The following SAMM50 variants were observed in gnomAD, a reference collection of about 807,000 sequenced individuals.
SAMM50 encodes the protein SAMM50 sorting and assembly machinery component.
A neutral mutation model predicts 66.9 loss-of-function variants in SAMM50; 47 were observed. That is an observed-to-expected ratio of 0.70 (90% CI 0.56 to 0.90). SAMM50 has a LOEUF of 0.90. Among genes scored for constraint, SAMM50 ranks in the 40% least tolerant of loss-of-function variants. The probability of loss-of-function intolerance (pLI) is 0.00; values close to 1 mark genes in which losing one functional copy is unlikely to be tolerated. For synonymous variants in SAMM50, 191 were observed against 214.1 expected, an observed-to-expected ratio of 0.89 and a Z score of 0.94; for missense variants, 535 against 595.3, an observed-to-expected ratio of 0.90 and a Z score of 1.05.
rs1427025149 is a variant in SAMM50 at position 43,977,948 on chromosome 22, T to C, written c.926T>C (p.Ile309Thr). ...DFELQLNKQL[I>T]FDSVFSASFW... The stretch of plus-strand genomic sequence containing the variant: ...GAACTTCAGTTGAACAAGCAACTCA[T>C]ATTTGATTCAGTGAGTATCTAACGG... The change falls in exon 10 of 15, where the codon ATA becomes ACA. Residue 309 changes from isoleucine (I) to threonine (T), a missense_variant. Transcript: ENST00000350028. 1.4e-5 allele frequency: 22 copies of C among 1,610,170 alleles called. No individual in the cohort carries two copies. The highest frequency in any genetic ancestry group is 1.7e-4 in the Middle Eastern group (1 of 6,058).
At position 43,955,561 on chromosome 22, in the gene SAMM50, C is replaced by T. The variant is rs749118724; in HGVS notation, c.-17C>T. The T allele has an allele frequency of 2.5e-6, 4 of 1,599,524 alleles. No individual in the cohort carries two copies. The highest frequency in any genetic ancestry group is 4.5e-5 in the East Asian group (2 of 44,384). On this transcript the variant is annotated 5_prime_UTR_variant, in exon 1 of 15. Coordinates refer to ENST00000350028, the MANE Select transcript of SAMM50 (RefSeq NM_015380.5). The stretch of plus-strand genomic sequence containing the variant: ...CCGCCCGGGCAGCTCTGCGAGGCAG[C>T]GGCTGGAGAGGGAACCATGGGGACT...
intron 10 of SAMM50, 26 bp downstream of exon 10, chr22:43,977,984 C>CTGCA (rs779454154): frequency 6.9e-7 from 1 of 1,459,240 alleles, no homozygotes; most frequent in Non-Finnish European, 9.6e-7. Flanking sequence ...ATGCTGGCAC[C>CTGCA]TGCACTGTCA....
chr22:43,955,593 GC>G lies in SAMM50; in HGVS notation c.19del (p.Arg7GlyfsTer16). 8 of 1,598,304 alleles carry G rather than the reference GC, an allele frequency of 5.0e-6. No homozygotes were observed. The highest frequency in any genetic ancestry group is 6.8e-6 in the Non-Finnish European group (8 of 1,173,578). On this transcript the variant is annotated frameshift_variant, in exon 1 of 15. Transcript: ENST00000350028. LOFTEE classifies it high-confidence loss of function. ...AGAGGGAACCATGGGGACTGTGCAC[GC>G]CCGGGTAAGAGGCCCAGCGACCCGC... MGTVHARSLEPLPSSG... is the reference protein window; with the variant it reads MGTVHXRSLEPLPSSG...
intron 12 of SAMM50, chr22:43,987,401 G>A (rs2050300112): frequency 6.6e-6 from 1 of 152,216 alleles, no homozygotes; most frequent in South Asian, 2.1e-4. Flanking sequence ...AAACATGTCG[G>A]GAGGAAAAGC....
At chr22:43,980,234 A>G (rs1185742534) in intron 10 of SAMM50, among the ~76,000 whole-genome samples, 1 of 89,218 alleles carries the variant, frequency 1.1e-5, no homozygotes, top group Non-Finnish European at 2.1e-5. Context: ...GGCACTGTCC[A>G]GGCACTAAGA....
intron 4 of SAMM50, among the ~76,000 whole-genome samples, chr22:43,969,785 G>A (rs1335971431): frequency 2.0e-5 from 3 of 152,340 alleles, no homozygotes; most frequent in East Asian, 3.9e-4. Context: ...GACCGCAAGT[G>A]TAGGAAGAGC....
chr22:43,976,210 A>G (rs1318318216), intron 8 of SAMM50, 27 bp downstream of exon 8: 1 of 1,590,366 alleles, frequency 6.3e-7, no homozygotes, highest in African/African-American at 1.3e-5. Context: ...GTTGGAGTAA[A>G]TAATTTTGTT....
At chr22:43,968,201 T>A (rs1467477773) in intron 3 of SAMM50, among the ~76,000 whole-genome samples, 1 of 121,606 alleles carries the variant, frequency 8.2e-6, no homozygotes, top group Non-Finnish European at 1.6e-5. Flanking sequence ...CACTCCAGCC[T>A]GGGCAGCAGA....
In SAMM50 at chr22:43,983,018, A is replaced by G. The variant is rs2050272798; in HGVS notation, c.1008-915A>G. On this transcript the variant is annotated intron_variant, in intron 11 of 14. Transcript: ENST00000350028. This position sits in a 1 kb window ranked among gnomAD's most constrained non-coding sequence, Gnocchi z 4.2. The stretch of plus-strand genomic sequence containing the variant: ...GTATTCAGAAAAGCCTTGCTTAGAA[A>G]TCCCAAGTAGTAAAAACATATTTAT... 6.6e-6 allele frequency among the ~76,000 whole-genome samples: 1 copy of G among 152,234 alleles called. No homozygotes were observed. Among genetic ancestry groups the G allele is most frequent in the Non-Finnish European group, 1.5e-5 (1 of 68,042 alleles).
chr22:43,995,781 CAGA>C (rs1468496372), intron 14 of SAMM50, among the ~76,000 whole-genome samples: 6 of 152,354 alleles, frequency 3.9e-5, no homozygotes, highest in African/African-American at 1.2e-4. Flanking sequence ...GTCACACCTG[CAGA>C]AGGTCAGCTC....
At chr22:43,971,640 G>A (rs1255456776) in intron 4 of SAMM50, among the ~76,000 whole-genome samples, 1 of 152,152 alleles carries the variant, frequency 6.6e-6, no homozygotes, top group African/African-American at 2.4e-5. Context: ...GTTTGCTTAA[G>A]TTTGCTTAAG....
chr22:43,980,009 C>T (rs966615295), intron 10 of SAMM50, among the ~76,000 whole-genome samples: 3 of 150,678 alleles, frequency 2.0e-5, no homozygotes, highest in East Asian at 2.0e-4. Context: ...CCACTGTGCC[C>T]GTAGCTCCTG....
At position 43,977,986 on chromosome 22, in the gene SAMM50, G is replaced by C. The variant is rs779803233; in HGVS notation, c.936+28G>C. The C allele has an allele frequency of 2.1e-6, 3 of 1,428,676 alleles. No homozygotes were observed. In the African/African-American group the frequency reaches 4.2e-5, roughly 20 times the overall value. 88.5% of individuals were successfully genotyped at this position (1,428,676 alleles called of 1,614,324 possible). On this transcript the variant is annotated intron_variant, in intron 10 of 14. Transcript: ENST00000350028. ...GAGTATCTAACGGATGCTGGCACCT[G>C]CACTGTCAGCCCTTACTTTGGGGAT...
At chr22:43,987,913 T>TAC (rs1555888842) in intron 12 of SAMM50, 6 of 151,410 alleles carry the variant, frequency 4.0e-5, no homozygotes, top group Non-Finnish European at 5.9e-5. Flanking sequence ...TATATATATA[T>TAC]ACACACACAG....
chr22:43,975,848 C>T (rs959557013), intron 7 of SAMM50: 4 of 563,436 alleles, frequency 7.1e-6, no homozygotes, highest in South Asian at 4.4e-5. Context: ...TGATTCCCTT[C>T]ACAGCTTTCC....
rs1388793366 is a variant in SAMM50 at position 43,963,367 on chromosome 22, G to A, written c.103G>A (p.Ala35Thr). Reference sequence around the variant, plus strand: ...TGAATTTGTTGAAGTTGAGCCTGAAGCTAAACAGGAAATTCTTGAAAACAA... The same window carrying A: ...TGAATTTGTTGAAGTTGAGCCTGAAACTAAACAGGAAATTCTTGAAAACAA... ...EAEFVEVEPE[A>T]KQEILENKDV... The change falls in exon 2 of 15, where the codon GCT becomes ACT. Residue 35 changes from alanine to threonine, a missense_variant. By Grantham distance (58) the Ala-to-Thr change is moderately conservative. Coordinates refer to ENST00000350028, the MANE Select transcript of SAMM50 (RefSeq NM_015380.5). 6.2e-7 allele frequency: 1 copy of A among 1,611,966 alleles called. No homozygotes were observed. The highest frequency in any genetic ancestry group is 1.7e-5 in the Admixed American group (1 of 59,398).
Position 43,983,089 on chromosome 22 carries a change from T to C in SAMM50, c.1008-844T>C, listed in dbSNP as rs1190246898. On this transcript the variant is annotated intron_variant, in intron 11 of 14. Coordinates refer to ENST00000350028, the MANE Select transcript of SAMM50 (RefSeq NM_015380.5). The surrounding 1 kb of genome is among the most constrained non-coding windows in gnomAD (Gnocchi z 4.2). ...AAATGAAAAAATTCATAAAGGCTTT[T>C]ATTTGGTAGGAAAACCAGAAAAAGC... Among the ~76,000 whole-genome samples the C allele has an allele frequency of 2.0e-5, 3 of 152,242 alleles. No homozygotes were observed. Among genetic ancestry groups the C allele is most frequent in the African/African-American group, 7.2e-5 (3 of 41,468 alleles).
At chr22:43,987,010 A>C (rs750938256) in intron 12 of SAMM50, 3 of 152,134 alleles carry the variant, frequency 2.0e-5, no homozygotes, top group Non-Finnish European at 2.9e-5. Flanking sequence ...AAGTAACTTA[A>C]GTTTTTGATG....
rs1473261467 is a variant in SAMM50 at position 43,984,020 on chromosome 22, G to A, written c.1075+20G>A. The stretch of plus-strand genomic sequence containing the variant: ...GCGAAGGTCTGTCCTTTCCCCTCAC[G>A]GCGCCAAGTCTAGAAGGCTCGCGTC... On this transcript the variant is annotated intron_variant, in intron 12 of 14. Transcript: ENST00000350028. The A allele has an allele frequency of 2.5e-6, 4 of 1,603,456 alleles. No homozygotes were observed. The highest frequency in any genetic ancestry group is 3.4e-6 in the Non-Finnish European group (4 of 1,175,146).
Sources: gnomAD v4.1 joint callset for allele counts (sites outside exome capture counted in the v4.1 genomes callset) on GRCh38, gnomAD v4.1.1 for gene constraint, Gnocchi (gnomAD v3.1) non-coding constraint, MANE v1.5 for transcripts, NCBI Gene and HGNC (gene_info 2026-07-23, HGNC 2026-07-21) for gene names.